RP1: variants seen among roughly 807,000 people sequenced by gnomAD.
RP1 encodes the protein RP1 axonemal microtubule associated, also known as oxygen-regulated protein 1.
RP1 carries 16 observed loss-of-function variants against 14.8 expected under a neutral mutation model. The ratio of observed to expected loss-of-function variants is 1.08; its 90% confidence interval spans 0.73 to 1.65. The LOEUF is 1.65. Ranked by LOEUF, RP1 falls within the 40% of genes most tolerant of loss-of-function variation. The probability of loss-of-function intolerance (pLI) is 0.00; values close to 1 mark genes in which losing one functional copy is unlikely to be tolerated. For synonymous variants in RP1, 876 were observed against 883.6 expected (o/e 0.99, Z 0.15); for missense variants, 2,631 against 2,535.0 (o/e 1.04, Z -0.81).
In RP1 at chr8:54,641,316, G is replaced by T. The variant is rs752325382; in HGVS notation, c.788-7669G>T. Reference sequence around the variant, plus strand: ...ATATCATGAAGGCTGATCCTTTTCTGTTTCTTTTTATTGTTATGTATATGA... The same window carrying T: ...ATATCATGAAGGCTGATCCTTTTCTTTTTCTTTTTATTGTTATGTATATGA... On this transcript the variant is annotated intron_variant, in intron 3 of 22. Coordinates refer to the RP1 transcript ENST00000636932. 6.0e-4 allele frequency among the ~76,000 whole-genome samples: 92 copies of T among 152,086 alleles called. No homozygotes were observed. The Middle Eastern group carries it at 0.02, about 34-fold the overall frequency.
upstream of RP1, among the ~76,000 whole-genome samples, chr8:54,615,410 G>A (rs1805691894): frequency 6.6e-6 from 1 of 152,176 alleles, no homozygotes; most frequent in Admixed American, 6.5e-5. Flanking sequence ...CCGATTAGGT[G>A]AAGCATCTTC....
At chr8:54,691,212 G>C (rs1807701976) in intron 12 of RP1, among the ~76,000 whole-genome samples, 1 of 151,956 alleles carries the variant, frequency 6.6e-6, no homozygotes, top group Non-Finnish European at 1.5e-5. Context: ...AAGGTGATGA[G>C]GACTTTGAGT....
At chr8:54,620,309 G>A (rs1009589794) in intron 1 of RP1, among the ~76,000 whole-genome samples, 5 of 152,102 alleles carry the variant, frequency 3.3e-5, no homozygotes, top group African/African-American at 1.2e-4. Context: ...TCTATGTTTA[G>A]ATATGTTTAG....
chr8:54,779,827 G>C (rs988281275), intron 23 of RP1, among the ~76,000 whole-genome samples: 20 of 152,294 alleles, frequency 1.3e-4, no homozygotes, highest in African/African-American at 3.4e-4. Context: ...CATCCTGATA[G>C]AAATGCTAAC....
chr8:54,660,514 A>G (rs499324), intron 6 of RP1, among the ~76,000 whole-genome samples: 33,498 of 151,990 alleles, frequency 0.22, 4,274 homozygotes, highest in East Asian at 0.42. Context: ...TTGTATATCT[A>G]GGTATAAATG....
intron 24 of RP1, among the ~76,000 whole-genome samples, chr8:54,824,922 T>A (rs1811346152): frequency 2.6e-5 from 4 of 151,652 alleles, no homozygotes; most frequent in Non-Finnish European, 2.9e-5. Flanking sequence ...ACAAAGAGCA[T>A]CTACAAATAC....
At chr8:54,715,929 T>C (rs1006603891) in intron 15 of RP1, among the ~76,000 whole-genome samples, 5 of 152,214 alleles carry the variant, frequency 3.3e-5, no homozygotes, top group African/African-American at 1.2e-4. Flanking sequence ...CAAAGTTCAA[T>C]ACCAGAAGTA....
chr8:54,775,985 C>T (rs1020386755), intron 23 of RP1, among the ~76,000 whole-genome samples: 1 of 152,094 alleles, frequency 6.6e-6, no homozygotes, highest in Non-Finnish European at 1.5e-5. Flanking sequence ...CCTACATCCC[C>T]AGATTCCAAC....
At position 54,621,424 on chromosome 8, in the gene RP1, C is replaced by G. The variant is rs746948177; in HGVS notation, c.458C>G (p.Pro153Arg). The G allele has an allele frequency of 1.2e-6, 2 of 1,613,710 alleles. No individual in the cohort carries two copies. Among genetic ancestry groups the G allele is most frequent in the East Asian group, 4.5e-5 (2 of 44,856 alleles). Residue 153 changes from proline to arginine, a missense_variant, in exon 2 of 4, where the codon CCA becomes CGA. Coordinates refer to ENST00000220676, the MANE Select transcript of RP1 (RefSeq NM_006269.2). ...GCTGCTCCCGGCATGCCCCGCCCCC[C>G]ACGGAGCCTAGTGGTCTTCAGGAAT... ...AVAAPGMPRP[P>R]RSLVVFRNGD...
intron 19 of RP1, among the ~76,000 whole-genome samples, chr8:54,744,008 A>C (rs1170521644): frequency 6.6e-6 from 1 of 152,200 alleles, no homozygotes; most frequent in Non-Finnish European, 1.5e-5. Context: ...CAATGCAAAT[A>C]AATATAGTAA....
At position 54,833,847 on chromosome 8, in the gene RP1, C is replaced by T. The variant is rs138587964; in HGVS notation, c.3616-3603C>T. ...TGGGGCTCAGATACTTATAAGGAGA[C>T]TGTTATAACACATCATCAAAACTTT... On this transcript the variant is annotated intron_variant, in intron 24 of 28. Transcript: ENST00000637698. 6.5e-4 allele frequency among the ~76,000 whole-genome samples: 99 copies of T among 152,078 alleles called. 2 individuals are homozygous for T. The East Asian group carries it at 0.016, about 24-fold the overall frequency.
intron 16 of RP1, among the ~76,000 whole-genome samples, chr8:54,722,893 C>G (rs572823063): frequency 6.6e-6 from 1 of 152,304 alleles, no homozygotes; most frequent in African/African-American, 2.4e-5. Context: ...GCTGCCTGGT[C>G]TGACATGGCA....
rs187971499 is a variant in RP1, at chr8:54,707,738, G to A, written c.2211+1083G>A. Among the ~76,000 whole-genome samples, 738 of 152,270 alleles carry A rather than the reference G, an allele frequency of 4.8e-3. 5 individuals carry two copies. Among genetic ancestry groups the A allele is most frequent in the Admixed American group, 0.013 (199 of 15,300 alleles). ...TTTCATGGTTCCCAGGGTCCCTGTC[G>A]GTGCTGCAGACTGGTGAGTTTGTGT... On this transcript the variant is annotated intron_variant, in intron 15 of 22. Transcript: ENST00000636932.
chr8:54,718,431 T>A (rs1238493895), intron 15 of RP1, among the ~76,000 whole-genome samples: 2 of 152,198 alleles, frequency 1.3e-5, no homozygotes, highest in African/African-American at 4.8e-5. Flanking sequence ...AGTGAAGTGA[T>A]CTTTGACAAA....
intron 3 of RP1, among the ~76,000 whole-genome samples, chr8:54,623,374 A>T (rs1334177054): frequency 6.6e-6 from 1 of 152,220 alleles, no homozygotes; most frequent in Non-Finnish European, 1.5e-5. Flanking sequence ...AGCATATCAA[A>T]AATAAGAAAA....
intron 7 of RP1, among the ~76,000 whole-genome samples, chr8:54,672,642 T>C (rs960948994): frequency 1.3e-5 from 2 of 152,352 alleles, no homozygotes; most frequent in Admixed American, 1.3e-4. Context: ...TGTATATTGT[T>C]AAATGTGGAT....
At chr8:54,864,797 C>G (rs1812423500) in intron 27 of RP1, among the ~76,000 whole-genome samples, 1 of 152,208 alleles carries the variant, frequency 6.6e-6, no homozygotes, top group East Asian at 1.9e-4. Flanking sequence ...GGGTGATTCC[C>G]CTCCCTTACT....
intron 1 of RP1, among the ~76,000 whole-genome samples, chr8:54,570,610 G>A (rs993263896): frequency 2.0e-5 from 3 of 150,878 alleles, no homozygotes; most frequent in African/African-American, 7.3e-5. Flanking sequence ...TTACAGGTGT[G>A]AGCCACCGCA....
chr8:54,764,128 C>T (rs752377310), intron 22 of RP1, among the ~76,000 whole-genome samples: 1 of 152,162 alleles, frequency 6.6e-6, no homozygotes, highest in African/African-American at 2.4e-5. Context: ...GTTGTTCCAC[C>T]GAAACAATTG....
Sources: allele counts gnomAD v4.1 joint callset (sites outside exome capture counted in the v4.1 genomes callset), GRCh38; gene constraint gnomAD v4.1.1; transcripts MANE v1.5; gene names NCBI Gene and HGNC (gene_info 2026-07-23, HGNC 2026-07-21).